The following SUMF1 variants were observed in gnomAD, a reference collection of about 807,000 sequenced individuals.
SUMF1 encodes sulfatase modifying factor 1.
In SUMF1, 48 loss-of-function variants were observed where a neutral mutation model predicts 47.6. The ratio of observed to expected loss-of-function variants is 1.01; its 90% CI spans 0.80 to 1.28. SUMF1 has a LOEUF of 1.28. SUMF1 is among the 50% of genes most tolerant of loss of function. The pLI is 0.00. For synonymous variants in SUMF1, 230 were observed against 192.1 expected (o/e 1.20, Z -1.63); for missense variants, 571 against 485.4 (o/e 1.18, Z -1.66).
At chr3:4,393,316 C>T (rs1418075337) in intron 7 of SUMF1, among the ~76,000 whole-genome samples, 1 of 152,066 alleles carries the variant, frequency 6.6e-6, no homozygotes, top group Non-Finnish European at 1.5e-5. Flanking sequence ...CGCCACCAGT[C>T]CTGAACTGAC....
At chr3:4,269,750 A>C (rs1218255891) in intron 8 of SUMF1, among the ~76,000 whole-genome samples, 1 of 152,194 alleles carries the variant, frequency 6.6e-6, no homozygotes, top group Non-Finnish European at 1.5e-5. Context: ...GAAGCTCACA[A>C]TGGCACTTCC....
chr3:4,275,190 A>G (rs906618417), intron 8 of SUMF1, among the ~76,000 whole-genome samples: 2 of 152,302 alleles, frequency 1.3e-5, no homozygotes, highest in Non-Finnish European at 2.9e-5. Flanking sequence ...GTGGTAGAAT[A>G]ATAGAAGCAA....
chr3:4,117,147 A>T (rs1260393971), intron 8 of SUMF1, among the ~76,000 whole-genome samples: 1 of 152,108 alleles, frequency 6.6e-6, no homozygotes, highest in Non-Finnish European at 1.5e-5. Context: ...CTGGAAACTA[A>T]TTTTCTCTAA....
At chr3:4,068,593 A>G (rs1695436245) in exon 9 of SUMF1, 1 of 396,528 alleles carries the variant, frequency 2.5e-6, no homozygotes, top group Non-Finnish European at 5.1e-6. Flanking sequence ...CAAACTTGCC[A>G]CATGTCAAAC....
intron 9 of SUMF1, among the ~76,000 whole-genome samples, chr3:4,038,080 G>A (rs1053805754): frequency 9.9e-5 from 15 of 152,164 alleles, no homozygotes; most frequent in Admixed American, 3.9e-4. Context: ...GCTGTAGATC[G>A]TGGCTTGACA....
rs1381888133 is a variant in SUMF1 at position 4,361,470 on chromosome 3, C to A, written c.*674G>T. ...TCCTATGTGTTCAACGGCTGAACTTCAGCATACCATCACCGGCCCCATGTG... is the reference window on the plus strand; with the variant it reads ...TCCTATGTGTTCAACGGCTGAACTTAAGCATACCATCACCGGCCCCATGTG... On this transcript the variant is annotated 3_prime_UTR_variant, in exon 9 of 9. Coordinates refer to ENST00000272902, the MANE Select transcript of SUMF1 (RefSeq NM_182760.4). 10 of 154,460 alleles carry A rather than the reference C, an allele frequency of 6.5e-5. No individual in the cohort carries two copies. The allele number at this position is 154,460 out of a possible 1,614,324, so 9.6% of individuals were successfully genotyped here.
At chr3:4,407,082 TG>T (rs1701399451) in intron 7 of SUMF1, among the ~76,000 whole-genome samples, 1 of 107,702 alleles carries the variant, frequency 9.3e-6, no homozygotes, top group Non-Finnish European at 2.0e-5. Flanking sequence ...GACACACACA[TG>T]GGACACACAC....
chr3:4,143,857 C>CCCCAA (rs1255464941), intron 8 of SUMF1, among the ~76,000 whole-genome samples: 3 of 152,084 alleles, frequency 2.0e-5, no homozygotes, highest in African/African-American at 7.2e-5. Context: ...GAATTTCAGG[C>CCCCAA]CCCAACCCAG....
chr3:4,426,682 A>T (rs1702079173), intron 3 of SUMF1, among the ~76,000 whole-genome samples: 1 of 152,232 alleles, frequency 6.6e-6, no homozygotes, highest in Non-Finnish European at 1.5e-5. Flanking sequence ...TTGTTTACAG[A>T]GCAGAAGCAG....
chr3:4,411,278 T>C (rs989433135), intron 6 of SUMF1, among the ~76,000 whole-genome samples: 9 of 152,208 alleles, frequency 5.9e-5, no homozygotes, highest in South Asian at 2.1e-4. Context: ...GTGTCAAACA[T>C]TGGGTGAGTA....
intron 7 of SUMF1, among the ~76,000 whole-genome samples, chr3:4,377,869 G>A (rs568434279): frequency 1.3e-5 from 2 of 152,224 alleles, no homozygotes; most frequent in African/African-American, 4.8e-5. Flanking sequence ...CTCCAAAAAC[G>A]CAAGAGGCCG....
chr3:4,059,790 C>T (rs1220333015), intron 9 of SUMF1, among the ~76,000 whole-genome samples: 3 of 144,434 alleles, frequency 2.1e-5, no homozygotes, highest in African/African-American at 5.0e-5. Context: ...AAAAGGTGTC[C>T]CTGTGGAAAA....
intron 8 of SUMF1, among the ~76,000 whole-genome samples, chr3:4,207,251 C>A (rs1449892565): frequency 1.3e-5 from 2 of 152,134 alleles, no homozygotes; most frequent in African/African-American, 2.4e-5. Context: ...AGATTTCCTA[C>A]ATACAAATCA....
At chr3:4,114,976 G>C (rs1353986720) in intron 8 of SUMF1, among the ~76,000 whole-genome samples, 2 of 152,092 alleles carry the variant, frequency 1.3e-5, no homozygotes, top group Middle Eastern at 3.4e-3. Context: ...CTTCTGGCCT[G>C]TGCCCACGGA....
intron 8 of SUMF1, among the ~76,000 whole-genome samples, chr3:4,145,556 C>A (rs1002024358): frequency 6.6e-6 from 1 of 152,078 alleles, no homozygotes; most frequent in South Asian, 2.1e-4. Context: ...ATTACAATGC[C>A]TTCTCAATCC....
At chr3:4,182,449 T>C (rs1291298721) in intron 8 of SUMF1, among the ~76,000 whole-genome samples, 1 of 151,030 alleles carries the variant, frequency 6.6e-6, no homozygotes, top group Non-Finnish European at 1.5e-5. Context: ...ACTTCCCCTC[T>C]TTTCTTCCCC....
At chr3:4,165,213 C>A (rs1439086272) in intron 8 of SUMF1, among the ~76,000 whole-genome samples, 1 of 152,180 alleles carries the variant, frequency 6.6e-6, no homozygotes, top group Non-Finnish European at 1.5e-5. Context: ...TTTGATCTAA[C>A]AATAGCATGA....
chr3:4,316,619 A>G (rs1559221065), intron 8 of SUMF1: 2 of 1,551,116 alleles, frequency 1.3e-6, no homozygotes, highest in African/African-American at 2.7e-5. Context: ...TTGAAGTGTC[A>G]TCTTCTCTTA....
At position 4,190,152 on chromosome 3, in the gene SUMF1, A is replaced by G. The variant is rs144775115; in HGVS notation, c.1015-121407T>C. 2.1e-3 allele frequency among the ~76,000 whole-genome samples: 320 copies of G among 152,150 alleles called. 2 individuals carry two copies. Among genetic ancestry groups the G allele is most frequent in the African/African-American group, 7.2e-3 (297 of 41,522 alleles). On this transcript the variant is annotated intron_variant and NMD_transcript_variant, in intron 8 of 12. Coordinates refer to the SUMF1 transcript ENST00000448413. Reference sequence around the variant, plus strand: ...TAAGAAACAGTATTCTCTGAGCTTTAAACAGTTTTTAAATGAACTAAGAAG... The same window carrying G: ...TAAGAAACAGTATTCTCTGAGCTTTGAACAGTTTTTAAATGAACTAAGAAG...
Sources: allele counts gnomAD v4.1 joint callset (sites outside exome capture counted in the v4.1 genomes callset), GRCh38; gene constraint gnomAD v4.1.1; transcripts MANE v1.5; gene names NCBI Gene and HGNC (gene_info 2026-07-23, HGNC 2026-07-21).